GPR158: variants seen among roughly 807,000 people sequenced by gnomAD.
The protein encoded by GPR158 is G protein-coupled receptor 158.
GPR158 carries 30 observed loss-of-function variants against 78.2 expected under a neutral mutation model. That is an observed-to-expected ratio of 0.38 (90% CI 0.29 to 0.52). The LOEUF (loss-of-function observed/expected upper bound fraction) is 0.52. GPR158 is among the 20% of genes least tolerant of loss of function. GPR158 has a pLI of 0.83. For synonymous variants in GPR158, 581 were observed against 591.1 expected (o/e 0.98, Z 0.25); for missense variants, 1,463 against 1,523.5 (o/e 0.96, Z 0.66).
intron 2 of GPR158, among the ~76,000 whole-genome samples, chr10:25,389,782 G>T (rs1834269512): frequency 6.6e-6 from 1 of 152,082 alleles, no homozygotes; most frequent in Admixed American, 6.5e-5. Context: ...TCCTTTTTAG[G>T]TCTCTGTGGT....
At chr10:25,563,700 T>A (rs2130723674) in intron 6 of GPR158, among the ~76,000 whole-genome samples, 1 of 152,326 alleles carries the variant, frequency 6.6e-6, no homozygotes, top group South Asian at 2.1e-4. Flanking sequence ...ACAAAAACTT[T>A]GCTCCTATTA....
At chr10:25,486,581 T>C (rs1364777310) in intron 5 of GPR158, among the ~76,000 whole-genome samples, 1 of 152,088 alleles carries the variant, frequency 6.6e-6, no homozygotes, top group South Asian at 2.1e-4. Context: ...TCACCCAGGA[T>C]TGCTAAAACG....
chr10:25,498,809 C>G (rs2130655541), intron 5 of GPR158, among the ~76,000 whole-genome samples: 1 of 152,264 alleles, frequency 6.6e-6, no homozygotes, highest in Middle Eastern at 3.4e-3. Context: ...CAGCCTTTGC[C>G]TAGAAGATGT....
At chr10:25,517,606 C>T (rs1588895367) in intron 5 of GPR158, among the ~76,000 whole-genome samples, 1 of 152,126 alleles carries the variant, frequency 6.6e-6, no homozygotes, top group Admixed American at 6.5e-5. Flanking sequence ...TGTCAAAGGC[C>T]TTTTCTGCAT....
chr10:25,554,964 T>C (rs10764559), intron 6 of GPR158, among the ~76,000 whole-genome samples: 44,863 of 151,224 alleles, frequency 0.3, 12,213 homozygotes, highest in African/African-American at 0.7. Context: ...GGCAAGCCAC[T>C]GATGTGGTGT....
chr10:25,515,016 A>C (rs1246855314), intron 5 of GPR158, among the ~76,000 whole-genome samples: 1 of 152,020 alleles, frequency 6.6e-6, no homozygotes, highest in Non-Finnish European at 1.5e-5. Context: ...TTTGTGATAA[A>C]TTTCCCAGGT....
At chr10:25,189,190 A>T (rs545655084) in intron 1 of GPR158, among the ~76,000 whole-genome samples, 16 of 152,194 alleles carry the variant, frequency 1.1e-4, no homozygotes, top group Non-Finnish European at 1.9e-4. Context: ...TTGGTGGGAC[A>T]GTAAACTAGT....
At chr10:25,218,153 C>A (rs1588740887) in intron 1 of GPR158, among the ~76,000 whole-genome samples, 1 of 152,050 alleles carries the variant, frequency 6.6e-6, no homozygotes, top group African/African-American at 2.4e-5. Context: ...CGCTTCCCCC[C>A]GACAGGAAGT....
intron 2 of GPR158, among the ~76,000 whole-genome samples, chr10:25,227,855 A>C (rs939266666): frequency 6.6e-6 from 1 of 152,210 alleles, no homozygotes; most frequent in East Asian, 1.9e-4. Flanking sequence ...CATAAAAGAG[A>C]AGTCTTCACA....
chr10:25,548,260 A>T (rs893197432), intron 5 of GPR158, among the ~76,000 whole-genome samples: 2 of 152,178 alleles, frequency 1.3e-5, no homozygotes, highest in Non-Finnish European at 2.9e-5. Context: ...AACCATACAG[A>T]TAACTACAAT....
chr10:25,543,087 C>T (rs1169380748), intron 5 of GPR158, among the ~76,000 whole-genome samples: 1 of 152,040 alleles, frequency 6.6e-6, no homozygotes, highest in Non-Finnish European at 1.5e-5. Flanking sequence ...GCCTGGAGGG[C>T]TGTTTCTACC....
At chr10:25,330,638 C>A (rs1004844697) in intron 2 of GPR158, among the ~76,000 whole-genome samples, 1 of 152,188 alleles carries the variant, frequency 6.6e-6, no homozygotes, top group Non-Finnish European at 1.5e-5. Context: ...TTGAATTATA[C>A]TTTCTTCTAC....
chr10:25,392,264 C>T (rs970298058), intron 2 of GPR158, among the ~76,000 whole-genome samples: 2 of 152,340 alleles, frequency 1.3e-5, no homozygotes, highest in Admixed American at 6.5e-5. Flanking sequence ...GAGCTGTCCT[C>T]CCTTCTGCAG....
chr10:25,495,295 C>CTTTTTTTTTTTTTTTTTTTT (rs71399976), intron 5 of GPR158, among the ~76,000 whole-genome samples: 8 of 91,104 alleles, frequency 8.8e-5, no homozygotes, highest in Non-Finnish European at 1.4e-4. Context: ...TTCTTTTCTG[C>CTTTTTTTTTTTTTTTTTTTT]TTTTTTTTTT....
At chr10:25,536,901 C>T (rs1029487407) in intron 5 of GPR158, among the ~76,000 whole-genome samples, 11 of 152,194 alleles carry the variant, frequency 7.2e-5, no homozygotes, top group African/African-American at 2.4e-4. Flanking sequence ...CACAAACCTA[C>T]TGAAGCACAC....
chr10:25,350,329 T>C (rs1208696151), intron 2 of GPR158, among the ~76,000 whole-genome samples: 1 of 152,052 alleles, frequency 6.6e-6, no homozygotes, highest in Non-Finnish European at 1.5e-5. Flanking sequence ...GGCAGGGTTA[T>C]GCTCAGAAGA....
intron 2 of GPR158, among the ~76,000 whole-genome samples, chr10:25,291,648 C>CA (rs959497063): frequency 1.3e-5 from 2 of 151,528 alleles, no homozygotes; most frequent in Non-Finnish European, 3.0e-5. Flanking sequence ...TCTGTATAAC[C>CA]AAAAAACAAA....
intron 5 of GPR158, among the ~76,000 whole-genome samples, chr10:25,535,330 G>C (rs2130697768): frequency 6.6e-6 from 1 of 152,004 alleles, no homozygotes; most frequent in Middle Eastern, 3.4e-3. Context: ...CTTTCATCTT[G>C]CTAGAAGACT....
chr10:25,418,915 T>G (rs1179520986), intron 4 of GPR158, among the ~76,000 whole-genome samples: 1 of 151,378 alleles, frequency 6.6e-6, no homozygotes, highest in Non-Finnish European at 1.5e-5. Context: ...AATTAGAAGT[T>G]GACAAGAGAT....
Sources: gnomAD v4.1 joint callset for allele counts (sites outside exome capture counted in the v4.1 genomes callset) on GRCh38, gnomAD v4.1.1 for gene constraint, MANE v1.5 for transcripts, NCBI Gene and HGNC (gene_info 2026-07-23, HGNC 2026-07-21) for gene names.